The following ZSCAN4 variants were observed in gnomAD, a reference collection of about 807,000 sequenced individuals.
ZSCAN4 encodes zinc finger and SCAN domain containing 4.
Under a neutral mutation model 18.3 loss-of-function variants are expected in ZSCAN4, and 18 were observed. The ratio of observed to expected loss-of-function variants is 0.98; its 90% confidence interval spans 0.68 to 1.46. The LOEUF (loss-of-function observed/expected upper bound fraction) is 1.46, where lower values mean the gene tolerates loss of function less well. ZSCAN4 is among the 40% of genes most tolerant of loss of function. The pLI is 0.00. For synonymous variants in ZSCAN4, 193 were observed against 180.3 expected (o/e 1.07, Z -0.57); for missense variants, 498 against 511.4 (o/e 0.97, Z 0.25).
At chr19:57,662,888 G>T in the ZSCAN4 span, among the ~76,000 whole-genome samples, 19 of 151,268 alleles carry the variant, frequency 1.3e-4, no homozygotes, top group South Asian at 2.1e-4. Context: ...TGGGTTTTTT[G>T]TTGTTGTTGT....
the ZSCAN4 span, among the ~76,000 whole-genome samples, chr19:57,652,487 C>T: frequency 6.6e-6 from 1 of 152,142 alleles, no homozygotes; most frequent in Non-Finnish European, 1.5e-5. Context: ...GAAAACACCT[C>T]CTCTTTCGGA....
exon 5 of ZSCAN4, chr19:57,678,421 G>T: frequency 6.2e-7 from 1 of 1,614,014 alleles, no homozygotes; most frequent in Non-Finnish European, 8.5e-7. Context: ...ATGGGAGCAG[G>T]GTGTATCTCT....
At chr19:57,667,712 C>T (rs1335878912), upstream of ZSCAN4, among the ~76,000 whole-genome samples, 1 of 152,170 alleles carries the variant, frequency 6.6e-6, no homozygotes, top group Non-Finnish European at 1.5e-5. Flanking sequence ...CAATAACCTC[C>T]TCCAAACAGA....
chr19:57,660,543 T>C, the ZSCAN4 span, among the ~76,000 whole-genome samples: 1 of 152,218 alleles, frequency 6.6e-6, no homozygotes, highest in Non-Finnish European at 1.5e-5. Context: ...CAATTTATAA[T>C]AATGCAAATT....
Position 57,676,022 on chromosome 19 carries a change from A to G in ZSCAN4, c.-105-19A>G, listed in dbSNP as rs1984170314. 1.0e-6 allele frequency: 1 copy of G among 977,926 alleles called. No individual in the cohort carries two copies. The highest frequency in any genetic ancestry group is 1.6e-5 in the African/African-American group (1 of 60,942). 60.6% of individuals were successfully genotyped at this position (977,926 alleles called of 1,614,324 possible). ...ATGCCAGTGGTGCAATTAATTACTC[A>G]TCTCTTTTCTATTTCTAGCTTGCAG... On this transcript the variant is annotated intron_variant, in intron 2 of 4. Transcript: ENST00000318203.
At chr19:57,671,991 A>G (rs573047852) in intron 2 of ZSCAN4, among the ~76,000 whole-genome samples, 2 of 152,322 alleles carry the variant, frequency 1.3e-5, no homozygotes, top group East Asian at 1.9e-4. Context: ...TGTTAACCAT[A>G]TATAAAATTG....
chr19:57,663,445 G>A, the ZSCAN4 span, among the ~76,000 whole-genome samples: 7 of 147,718 alleles, frequency 4.7e-5, no homozygotes, highest in African/African-American at 1.7e-4. Flanking sequence ...CAGCACTTTG[G>A]GAGGCCGAGG....
chr19:57,676,277 A>G, exon 3 of ZSCAN4: 1 of 1,614,194 alleles, frequency 6.2e-7, no homozygotes. Context: ...AGTTCTCAAG[A>G]ATGGTGCTCA....
chr19:57,678,337 G>C, exon 5 of ZSCAN4: 1 of 1,614,168 alleles, frequency 6.2e-7, no homozygotes, highest in Non-Finnish European at 8.5e-7. Context: ...AACTCAAAAA[G>C]AGCAGAGCTA....
Position 57,676,538 on chromosome 19 carries a change from C to T in ZSCAN4, c.393C>T (p.Ala131=), listed in dbSNP as rs12459261. The T allele has an allele frequency of 1.9e-6, 3 of 1,611,822 alleles. No individual in the cohort carries two copies. In the South Asian group the frequency reaches 3.3e-5, roughly 18 times the overall value. ...CTGATGACAGCATAAATCCACCTGC[C>T]TTAGTGAGTACAGGGTTCTAACTTC... The change falls in exon 3 of 5, where the codon GCC becomes GCT. Residue 131 remains alanine, a synonymous_variant. Coordinates refer to ENST00000318203, the Ensembl canonical transcript of ZSCAN4.
chr19:57,667,865 C>CG (rs1184979812), upstream of ZSCAN4, among the ~76,000 whole-genome samples: 18 of 136,076 alleles, frequency 1.3e-4, no homozygotes, highest in African/African-American at 4.6e-4. Context: ...ACATTGTCTA[C>CG]ATTTTTCATT....
exon 5 of ZSCAN4, chr19:57,678,977 A>T: frequency 7.0e-7 from 1 of 1,433,826 alleles, no homozygotes; most frequent in East Asian, 2.4e-5. Flanking sequence ...TCTACTTAGG[A>T]TATAAGATAT....
At chr19:57,674,516 G>A (rs1984118154) in intron 2 of ZSCAN4, among the ~76,000 whole-genome samples, 1 of 152,104 alleles carries the variant, frequency 6.6e-6, no homozygotes, top group African/African-American at 2.4e-5. Flanking sequence ...TCTTTTTTAT[G>A]GCTGCATAAT....
rs564362676 is a variant in ZSCAN4 at position 57,676,010 on chromosome 19, A to G, written c.-105-31A>G. On this transcript the variant is annotated intron_variant, in intron 2 of 4. Transcript: ENST00000318203. ...TTGTCTTTAATTATGCCAGTGGTGCAATTAATTACTCATCTCTTTTCTATT... is the reference window on the plus strand; with the variant it reads ...TTGTCTTTAATTATGCCAGTGGTGCGATTAATTACTCATCTCTTTTCTATT... 5.2e-5 allele frequency: 44 copies of G among 853,098 alleles called. No individual in the cohort carries two copies. The African/African-American group carries it at 6.5e-4, about 13-fold the overall frequency. The allele number at this position is 853,098 out of a possible 1,614,324, so 52.8% of individuals were successfully genotyped here.
chr19:57,656,329 A>T, the ZSCAN4 span, among the ~76,000 whole-genome samples: 1 of 152,220 alleles, frequency 6.6e-6, no homozygotes, highest in Non-Finnish European at 1.5e-5. Flanking sequence ...AACAAGTCAA[A>T]CTAACACTGG....
At chr19:57,651,987 T>C in the ZSCAN4 span, among the ~76,000 whole-genome samples, 1 of 152,062 alleles carries the variant, frequency 6.6e-6, no homozygotes, top group Admixed American at 6.5e-5. Context: ...TGACCTGCCT[T>C]CTCAGGGGAT....
intron 2 of ZSCAN4, among the ~76,000 whole-genome samples, chr19:57,674,259 G>GT (rs1481383590): frequency 6.6e-6 from 1 of 152,136 alleles, no homozygotes; most frequent in Non-Finnish European, 1.5e-5. Context: ...TGGACTTCTA[G>GT]TGTACCTATT....
chr19:57,654,915 C>T, the ZSCAN4 span, among the ~76,000 whole-genome samples: 1 of 152,278 alleles, frequency 6.6e-6, no homozygotes, highest in East Asian at 1.9e-4. Flanking sequence ...GCTAAACTTC[C>T]CCTTGCTCCT....
chr19:57,653,437 C>T, the ZSCAN4 span, among the ~76,000 whole-genome samples: 4 of 150,650 alleles, frequency 2.7e-5, no homozygotes, highest in Non-Finnish European at 4.4e-5. Flanking sequence ...TTTTCTTTCT[C>T]GCCTTTCAGA....
Sources: allele counts gnomAD v4.1 joint callset (sites outside exome capture counted in the v4.1 genomes callset), GRCh38; gene constraint gnomAD v4.1.1; transcripts MANE v1.5; gene names NCBI Gene and HGNC (gene_info 2026-07-23, HGNC 2026-07-21).